RET: variants seen among roughly 807,000 people sequenced by gnomAD.
RET encodes proto-oncogene tyrosine-protein kinase receptor Ret.
RET carries 19 observed loss-of-function variants against 118.3 expected under a neutral mutation model. The ratio of observed to expected loss-of-function variants is 0.16; its 90% CI spans 0.11 to 0.24. The LOEUF (loss-of-function observed/expected upper bound fraction) is 0.24, where lower values mean the gene tolerates loss of function less well. RET is among the 10% of genes least tolerant of loss of function. RET has a pLI of 1.00. For missense variants in RET, 1,219 were observed against 1,502.1 expected, an observed-to-expected ratio of 0.81 and a Z score of 3.12; for synonymous variants, 597 against 644.1, an observed-to-expected ratio of 0.93 and a Z score of 1.11.
intron 1 of RET, among the ~76,000 whole-genome samples, chr10:43,081,470 G>T (rs113533307): frequency 2.0e-5 from 3 of 152,176 alleles, no homozygotes; most frequent in Non-Finnish European, 4.4e-5. Flanking sequence ...AGGGACTTCC[G>T]CATGCGTGTG....
intron 3 of RET, 34 bp from the exon 4 acceptor site, chr10:43,104,918 G>A (rs753275038): frequency 2.6e-6 from 4 of 1,545,648 alleles, no homozygotes; most frequent in South Asian, 2.4e-5. Context: ...CCCGGCTGGT[G>A]ATCACGCGGG....
rs1405048583 is a variant in RET at position 43,130,272 on chromosome 10, TA to T, written c.*2006del. The T allele has an allele frequency of 2.7e-6, 1 of 367,750 alleles. No individual in the cohort carries two copies. Among genetic ancestry groups the T allele is most frequent in the African/African-American group, 2.1e-5 (1 of 48,292 alleles). 22.8% of individuals were successfully genotyped at this position (367,750 alleles called of 1,614,324 possible). On this transcript the variant is annotated 3_prime_UTR_variant, in exon 20 of 20. Coordinates refer to ENST00000355710, the MANE Select transcript of RET (RefSeq NM_020975.6). ...GTAAAATCTATTTATGAAAGGTCAT[TA>T]AACCAGATCATGTTCCTTTTTTTGT...
intron 2 of RET, among the ~76,000 whole-genome samples, chr10:43,101,249 G>A (rs557598835): frequency 1.3e-5 from 2 of 152,068 alleles, no homozygotes; most frequent in Admixed American, 1.3e-4. Context: ...TGGGAGGGGT[G>A]GGGGGGAAGC....
At position 43,129,828 on chromosome 10, in the gene RET, C is replaced by G; in HGVS notation, c.*1559C>G. On this transcript the variant is annotated 3_prime_UTR_variant, in exon 20 of 20. Coordinates refer to ENST00000355710, the MANE Select transcript of RET (RefSeq NM_020975.6). ...GAGTTTGAAAAATGCTTATTGGACACGTAACCTGGCTCTAATTTGGGCTGT... is the reference window on the plus strand; with the variant it reads ...GAGTTTGAAAAATGCTTATTGGACAGGTAACCTGGCTCTAATTTGGGCTGT... The G allele has an allele frequency of 5.1e-6, 2 of 393,202 alleles. No individual in the cohort carries two copies. Among genetic ancestry groups the G allele is most frequent in the East Asian group, 3.6e-5 (1 of 27,438 alleles). The allele number at this position is 393,202 out of a possible 1,614,324, so 24.4% of individuals were successfully genotyped here. A position where few individuals can be genotyped will look rare whatever the true frequency, so the allele number is the denominator to read the frequency against.
chr10:43,103,009 G>A (rs777714834), intron 3 of RET, among the ~76,000 whole-genome samples: 1 of 150,010 alleles, frequency 6.7e-6, no homozygotes, highest in Non-Finnish European at 1.5e-5. Context: ...AAATTGGGTG[G>A]TCAGGGTGGG....
chr10:43,099,751 C>T (rs1172432396), intron 1 of RET, among the ~76,000 whole-genome samples: 1 of 152,232 alleles, frequency 6.6e-6, no homozygotes, highest in Non-Finnish European at 1.5e-5. Flanking sequence ...CATTGCCTAA[C>T]ATCCGTCCAG....
Position 43,109,238 on chromosome 10 carries a change from C to T in RET, c.1263+8C>T. ...GCTCGCCGATTTGCCCAGGTGAGCC[C>T]ATACCTATTGCCTGTCTGGGGAAGA... On this transcript the variant is annotated splice_region_variant and intron_variant, in intron 6 of 19. Coordinates refer to ENST00000355710, the MANE Select transcript of RET (RefSeq NM_020975.6). The T allele has an allele frequency of 6.2e-7, 1 of 1,611,886 alleles. No homozygotes were observed.
intron 15 of RET, 50 bp downstream of exon 15, chr10:43,120,253 C>A (rs2132966248): frequency 6.2e-7 from 1 of 1,608,188 alleles, no homozygotes. Flanking sequence ...CCAGGTGCAC[C>A]ATGGGGCAGG....
chr10:43,097,938 C>A (rs73252028), intron 1 of RET, among the ~76,000 whole-genome samples: 1 of 152,164 alleles, frequency 6.6e-6, no homozygotes, highest in Admixed American at 6.5e-5. Context: ...CGATTACATA[C>A]AAGTGCAGTA....
chr10:43,080,042 T>C (rs907176523), intron 1 of RET, among the ~76,000 whole-genome samples: 6 of 152,144 alleles, frequency 3.9e-5, no homozygotes, highest in Non-Finnish European at 8.8e-5. Context: ...GGGAAGTGCA[T>C]TGAGCTGATT....
Position 43,106,659 on chromosome 10 carries a change from C to T in RET, c.1063+88C>T. 5.2e-6 allele frequency: 7 copies of T among 1,357,430 alleles called. No homozygotes were observed. The highest frequency in any genetic ancestry group is 3.1e-6 in the Non-Finnish European group (3 of 974,120). 84.1% of individuals were successfully genotyped at this position (1,357,430 alleles called of 1,614,324 possible). Reference sequence around the variant, plus strand: ...GGGCAAGCAGCACCCTACACACATGCACACCTGGCATGGCCCTCTGTGGCC... The same window carrying T: ...GGGCAAGCAGCACCCTACACACATGTACACCTGGCATGGCCCTCTGTGGCC... On this transcript the variant is annotated intron_variant, in intron 5 of 19. Transcript: ENST00000355710. This position sits in a 1 kb window ranked among gnomAD's most constrained non-coding sequence, Gnocchi z 5.1.
At chr10:43,096,789 A>C (rs914710998) in intron 1 of RET, among the ~76,000 whole-genome samples, 1 of 152,222 alleles carries the variant, frequency 6.6e-6, no homozygotes, top group Non-Finnish European at 1.5e-5. Context: ...AGACTGTAGC[A>C]AAGAGCATTA....
chr10:43,096,671 G>C (rs2132630979), intron 1 of RET, among the ~76,000 whole-genome samples: 1 of 152,352 alleles, frequency 6.6e-6, no homozygotes, highest in South Asian at 2.1e-4. Context: ...GCACAGTCCG[G>C]TGGTTCCTGA....
chr10:43,116,574 T>C lies in RET; in HGVS notation c.2137-10T>C, dbSNP rs864622066. 2 of 1,613,772 alleles carry C rather than the reference T, an allele frequency of 1.2e-6. No homozygotes were observed. The highest frequency in any genetic ancestry group is 1.7e-6 in the Non-Finnish European group (2 of 1,179,802). ...CCCCTCTTCTCCCCCTTCCCTCATT[T>C]CCAACATAGGAGGATCCAAAGTGGG... On this transcript the variant is annotated splice_polypyrimidine_tract_variant and intron_variant, in intron 11 of 19. Coordinates refer to ENST00000355710, the MANE Select transcript of RET (RefSeq NM_020975.6).
chr10:43,093,340 G>A (rs191285817), intron 1 of RET, among the ~76,000 whole-genome samples: 1 of 152,212 alleles, frequency 6.6e-6, no homozygotes, highest in East Asian at 1.9e-4. Context: ...TGGGGTGAGG[G>A]GTGAAAGAGA....
Position 43,077,108 on chromosome 10 carries a change from G to A in RET, c.-151G>A, listed in dbSNP as rs891539302. ...AGCAGGGCGCGCAGCAGCGCTGAGTGCCCCGGAACGTGCGTCGCGCCCCCA... is the reference window on the plus strand; with the variant it reads ...AGCAGGGCGCGCAGCAGCGCTGAGTACCCCGGAACGTGCGTCGCGCCCCCA... On this transcript the variant is annotated 5_prime_UTR_variant, in exon 1 of 20. Transcript: ENST00000355710. The A allele has an allele frequency of 2.4e-5, 27 of 1,145,674 alleles. No individual in the cohort carries two copies. The East Asian group carries it at 7.3e-4, about 31-fold the overall frequency. 71.0% of individuals were successfully genotyped at this position (1,145,674 alleles called of 1,614,324 possible).
intron 1 of RET, among the ~76,000 whole-genome samples, chr10:43,086,856 G>A (rs1837299212): frequency 6.6e-6 from 1 of 152,218 alleles, no homozygotes; most frequent in Non-Finnish European, 1.5e-5. Context: ...GCAGCTTAGG[G>A]CCTGGGCCCC....
chr10:43,111,095 C>T, intron 6 of RET, 112 bp from the exon 7 acceptor site: 2 of 1,513,388 alleles, frequency 1.3e-6, no homozygotes, highest in Admixed American at 1.7e-5. Flanking sequence ...CTGCTGTCTC[C>T]AGGCCCAGTT....
Position 43,128,412 on chromosome 10 carries a change from T to C in RET, c.*143T>C. Reference sequence around the variant, plus strand: ...GGCAGACTCGTTTTTGGTAGTTTGTTTTAACTTCCAAGGTGGTTTTACTTC... The same window carrying C: ...GGCAGACTCGTTTTTGGTAGTTTGTCTTAACTTCCAAGGTGGTTTTACTTC... On this transcript the variant is annotated 3_prime_UTR_variant, in exon 20 of 20. Coordinates refer to ENST00000355710, the MANE Select transcript of RET (RefSeq NM_020975.6). The C allele has an allele frequency of 2.1e-6, 2 of 947,680 alleles. No individual in the cohort carries two copies. The highest frequency in any genetic ancestry group is 3.3e-6 in the Non-Finnish European group (2 of 602,278). 58.7% of individuals were successfully genotyped at this position (947,680 alleles called of 1,614,324 possible). A position where few individuals can be genotyped will look rare whatever the true frequency, so the allele number is the denominator to read the frequency against.
Sources: gnomAD v4.1 joint callset for allele counts (sites outside exome capture counted in the v4.1 genomes callset) on GRCh38, gnomAD v4.1.1 for gene constraint, Gnocchi (gnomAD v3.1) non-coding constraint, MANE v1.5 for transcripts, NCBI Gene and HGNC (gene_info 2026-07-23, HGNC 2026-07-21) for gene names.